Variants in CRB1 observed in about 807,000 individuals in gnomAD.
The protein encoded by CRB1 is crumbs cell polarity complex component 1.
In CRB1, 83 loss-of-function variants were observed where a neutral mutation model predicts 120.0. The observed-to-expected ratio is 0.69, with a 90% CI of 0.58 to 0.83. The LOEUF is 0.83. Ranked by LOEUF, CRB1 falls within the 40% of genes least tolerant of loss-of-function variation. CRB1 has a pLI of 0.00. For missense variants in CRB1, 1,699 were observed against 1,687.6 expected, an observed-to-expected ratio of 1.01 and a Z score of -0.12; for synonymous variants, 625 against 612.5, an observed-to-expected ratio of 1.02 and a Z score of -0.30.
At chr1:197,246,471 AT>A in the CRB1 span, among the ~76,000 whole-genome samples, 8 of 152,100 alleles carry the variant, frequency 5.3e-5, no homozygotes, top group Non-Finnish European at 1.5e-5. Flanking sequence ...GCTTACCACC[AT>A]GTCATTTCTT....
chr1:197,215,661 A>C, the CRB1 span, among the ~76,000 whole-genome samples: 4 of 152,098 alleles, frequency 2.6e-5, no homozygotes, highest in African/African-American at 9.7e-5. Context: ...TGATTTTATA[A>C]GGGACTTTTC....
At position 197,328,739 on chromosome 1, in the gene CRB1, A is replaced by G. The variant is rs767766773; in HGVS notation, c.388A>G (p.Ile130Val). The G allele has an allele frequency of 1.9e-6, 3 of 1,612,046 alleles. No individual in the cohort carries two copies. Among genetic ancestry groups the G allele is most frequent in the South Asian group, 2.2e-5 (2 of 90,908 alleles). ...TGGAGGTATTTGCCATCAGGACCCT[A>G]TTTATCCTGTCTGCATCTGCCCTGC... Reference protein sequence around the residue: ...QHGGICHQDPIYPVCICPAGY... With the variant: ...QHGGICHQDPVYPVCICPAGY... Residue 130 changes from isoleucine to valine, a missense_variant, in exon 2 of 12, where the codon ATT becomes GTT. Physicochemically the swap from Ile to Val is conservative, Grantham distance 29. Coordinates refer to ENST00000367400, the MANE Select transcript of CRB1 (RefSeq NM_201253.3).
At chr1:197,449,529 G>C (rs1665855749) in intron 11 of CRB1, among the ~76,000 whole-genome samples, 1 of 152,068 alleles carries the variant, frequency 6.6e-6, no homozygotes, top group Non-Finnish European at 1.5e-5. Flanking sequence ...ACCACGCCCG[G>C]CTAATTTTTT....
At chr1:197,470,905 G>T (rs187323812) in intron 11 of CRB1, among the ~76,000 whole-genome samples, 30 of 152,244 alleles carry the variant, frequency 2.0e-4, no homozygotes, top group African/African-American at 6.7e-4. Flanking sequence ...AGTGTCACTG[G>T]GCCCTTTCCC....
the CRB1 span, among the ~76,000 whole-genome samples, chr1:197,248,693 T>G: frequency 6.6e-6 from 1 of 151,970 alleles, no homozygotes; most frequent in African/African-American, 2.4e-5. Context: ...TTGTGTACAG[T>G]TAGCATTGTC....
rs112605387 is a variant in CRB1, at chr1:197,281,181, G to A, written c.70+12699G>A. Among the ~76,000 whole-genome samples the A allele has an allele frequency of 3.1e-3, 474 of 151,974 alleles. 1 individual carries two copies. The highest frequency in any genetic ancestry group is 0.011 in the African/African-American group (452 of 41,508). On this transcript the variant is annotated intron_variant, in intron 1 of 11. Coordinates refer to ENST00000367400, the MANE Select transcript of CRB1 (RefSeq NM_201253.3). ...GGCAAAGACTGATGTGAGGGAACAG[G>A]CAAGAAACAACCAAGGGCACAGTGC...
chr1:197,456,673 T>C (rs1021508353), intron 11 of CRB1, among the ~76,000 whole-genome samples: 1 of 152,108 alleles, frequency 6.6e-6, no homozygotes, highest in Non-Finnish European at 1.5e-5. Context: ...ATTTACCCTT[T>C]CCCGAACCAA....
chr1:197,288,553 T>G (rs186165632), intron 1 of CRB1, among the ~76,000 whole-genome samples: 19 of 151,846 alleles, frequency 1.3e-4, no homozygotes, highest in Non-Finnish European at 2.7e-4. Flanking sequence ...GATCCAGATG[T>G]TAGAATTACC....
intron 3 of CRB1, among the ~76,000 whole-genome samples, chr1:197,346,093 T>C (rs1659756746): frequency 6.6e-6 from 1 of 152,196 alleles, no homozygotes; most frequent in Non-Finnish European, 1.5e-5. Flanking sequence ...CCAATGGAAA[T>C]GTAAACAAGG....
At chr1:197,355,975 A>T (rs1380626576) in intron 4 of CRB1, among the ~76,000 whole-genome samples, 1 of 152,236 alleles carries the variant, frequency 6.6e-6, no homozygotes, top group Non-Finnish European at 1.5e-5. Flanking sequence ...ATTAATTGCA[A>T]CATCACAATA....
At chr1:197,367,032 G>C (rs1318790614) in intron 5 of CRB1, among the ~76,000 whole-genome samples, 2 of 152,138 alleles carry the variant, frequency 1.3e-5, no homozygotes, top group Non-Finnish European at 1.5e-5. Flanking sequence ...AAATGTCTGT[G>C]CATTTACTTA....
chr1:197,323,760 C>A (rs1658336792), intron 1 of CRB1, among the ~76,000 whole-genome samples: 1 of 152,126 alleles, frequency 6.6e-6, no homozygotes, highest in African/African-American at 2.4e-5. Context: ...GAGGCACATG[C>A]ACTTGGTCCC....
intron 4 of CRB1, among the ~76,000 whole-genome samples, chr1:197,354,439 G>A (rs992857462): frequency 1.3e-5 from 2 of 152,100 alleles, no homozygotes; most frequent in Non-Finnish European, 2.9e-5. Context: ...TGGGGTGTCC[G>A]CAGTCTGTTC....
intron 5 of CRB1, among the ~76,000 whole-genome samples, chr1:197,417,525 C>T (rs937615605): frequency 1.3e-5 from 2 of 152,102 alleles, no homozygotes; most frequent in African/African-American, 2.4e-5. Context: ...AAGGAGTAAA[C>T]GTCAGTAAAC....
chr1:197,363,430 T>C (rs1351573110), intron 5 of CRB1, among the ~76,000 whole-genome samples: 1 of 152,170 alleles, frequency 6.6e-6, no homozygotes, highest in Non-Finnish European at 1.5e-5. Flanking sequence ...GAGAATGTGT[T>C]TATTGCACAT....
chr1:197,362,632 C>A (rs1660832436), intron 5 of CRB1, among the ~76,000 whole-genome samples: 1 of 151,744 alleles, frequency 6.6e-6, no homozygotes, highest in Admixed American at 6.6e-5. Context: ...GATTTTTTTT[C>A]TCATATTCTT....
chr1:197,281,970 A>T (rs1489332767), intron 1 of CRB1, among the ~76,000 whole-genome samples: 1 of 151,748 alleles, frequency 6.6e-6, no homozygotes, highest in Non-Finnish European at 1.5e-5. Context: ...ATAATAAAAA[A>T]AATTATAGAC....
chr1:197,386,999 T>C (rs1662249633), intron 5 of CRB1, among the ~76,000 whole-genome samples: 1 of 152,178 alleles, frequency 6.6e-6, no homozygotes, highest in South Asian at 2.1e-4. Flanking sequence ...TCTTCCCTGA[T>C]AGAAACATTT....
At chr1:197,363,890 C>T (rs1009255570) in intron 5 of CRB1, 18 of 1,100,248 alleles carry the variant, frequency 1.6e-5, no homozygotes, top group Non-Finnish European at 2.4e-5. Context: ...GCATAGAGGA[C>T]CCTAAACAGA....
Sources: gnomAD v4.1 joint callset for allele counts (sites outside exome capture counted in the v4.1 genomes callset) on GRCh38, gnomAD v4.1.1 for gene constraint, MANE v1.5 for transcripts, NCBI Gene and HGNC (gene_info 2026-07-23, HGNC 2026-07-21) for gene names.